The following AFF3 variants were observed in gnomAD, a reference collection of about 807,000 sequenced individuals.
AFF3 encodes the protein AF4/FMR2 family member 3.
Under a neutral mutation model 129.7 loss-of-function variants are expected in AFF3, and 32 were observed. That is an observed-to-expected ratio of 0.25 (90% confidence interval 0.19 to 0.33). The LOEUF (loss-of-function observed/expected upper bound fraction) is 0.33. AFF3 is among the 10% of genes least tolerant of loss of function. The pLI is 1.00. For synonymous variants in AFF3, 644 were observed against 635.4 expected, an observed-to-expected ratio of 1.01 and a Z score of -0.20; for missense variants, 1,373 against 1,592.0, an observed-to-expected ratio of 0.86 and a Z score of 2.34.
At chr2:99,889,833 T>A (rs920401248) in intron 7 of AFF3, among the ~76,000 whole-genome samples, 1 of 152,158 alleles carries the variant, frequency 6.6e-6, no homozygotes, top group Non-Finnish European at 1.5e-5. Flanking sequence ...TAATTTTTTT[T>A]ATTTTTAGTA....
intron 7 of AFF3, among the ~76,000 whole-genome samples, chr2:99,984,432 A>C (rs1032558706): frequency 6.6e-6 from 1 of 152,196 alleles, no homozygotes; most frequent in Non-Finnish European, 1.5e-5. Context: ...ATTGAGAGGA[A>C]ATAAATATAG....
intron 7 of AFF3, among the ~76,000 whole-genome samples, chr2:99,847,911 T>A (rs1467570023): frequency 6.6e-6 from 1 of 152,136 alleles, no homozygotes; most frequent in Non-Finnish European, 1.5e-5. Flanking sequence ...ACGCCCACAC[T>A]ATTATTATAA....
chr2:99,790,559 C>G (rs1685122866), intron 8 of AFF3, among the ~76,000 whole-genome samples: 1 of 152,132 alleles, frequency 6.6e-6, no homozygotes. Context: ...TAAGTAGCAA[C>G]TGAATTTTAT....
chr2:99,854,609 C>T (rs1386535860), intron 7 of AFF3, among the ~76,000 whole-genome samples: 1 of 152,182 alleles, frequency 6.6e-6, no homozygotes, highest in African/African-American at 2.4e-5. Flanking sequence ...CACAACCTCC[C>T]ATCACTTCTG....
chr2:99,975,297 T>A (rs1447528808), intron 7 of AFF3, among the ~76,000 whole-genome samples: 1 of 152,200 alleles, frequency 6.6e-6, no homozygotes, highest in Non-Finnish European at 1.5e-5. Context: ...AATTAGATAT[T>A]TTGAATTATC....
chr2:99,744,264 A>G, intron 9 of AFF3, 124 bp from the exon 10 acceptor site: 1 of 742,244 alleles, frequency 1.3e-6, no homozygotes, highest in South Asian at 2.0e-5. Context: ...TCTATCAGCT[A>G]CTTTAATGAG....
At chr2:99,742,189 A>T (rs1404176) in intron 10 of AFF3, among the ~76,000 whole-genome samples, 5 of 151,900 alleles carry the variant, frequency 3.3e-5, no homozygotes, top group South Asian at 2.1e-4. Flanking sequence ...AATGCTGTCT[A>T]TAAGAAAAAT....
chr2:100,091,301 C>G lies in AFF3; in HGVS notation c.53+13101G>C, dbSNP rs1043197525. On this transcript the variant is annotated intron_variant, in intron 4 of 24. Transcript: ENST00000672756. ...GTGTAAGAAACACAACACCCTGAGG[C>G]CAGCTGGCCTAGATGTCTTTCCAAG... 2.7e-4 allele frequency among the ~76,000 whole-genome samples: 41 copies of G among 152,194 alleles called. 2 individuals carry two copies. The highest frequency in any genetic ancestry group is 6.5e-5 in the Admixed American group (1 of 15,280).
intron 8 of AFF3, among the ~76,000 whole-genome samples, chr2:99,779,147 A>G (rs1237913787): frequency 6.6e-6 from 1 of 152,098 alleles, no homozygotes; most frequent in Non-Finnish European, 1.5e-5. Context: ...ATCATTAAGC[A>G]TGATGTTAGC....
chr2:99,596,069 C>T (rs191726054), intron 14 of AFF3, among the ~76,000 whole-genome samples: 270 of 152,324 alleles, frequency 1.8e-3, no homozygotes, highest in African/African-American at 4.8e-3. Context: ...ACCCCCTGGC[C>T]CCGACACAGA....
At chr2:99,958,904 G>C (rs1388536326) in intron 7 of AFF3, among the ~76,000 whole-genome samples, 1 of 152,026 alleles carries the variant, frequency 6.6e-6, no homozygotes, top group Non-Finnish European at 1.5e-5. Flanking sequence ...TTTGGGCCCA[G>C]GAGTTCGAGA....
At chr2:99,697,061 C>T (rs950805562) in intron 11 of AFF3, among the ~76,000 whole-genome samples, 5 of 152,196 alleles carry the variant, frequency 3.3e-5, no homozygotes, top group Admixed American at 6.5e-5. Context: ...ATACCCTGAA[C>T]GTTTTGAAGG....
chr2:99,589,691 G>A (rs1178945752), intron 15 of AFF3, among the ~76,000 whole-genome samples: 2 of 151,968 alleles, frequency 1.3e-5, no homozygotes, highest in Admixed American at 6.6e-5. Context: ...AAGCCACCAC[G>A]GCCGGCCCAG....
intron 12 of AFF3, among the ~76,000 whole-genome samples, chr2:99,659,705 T>C (rs1164695370): frequency 1.3e-5 from 2 of 152,168 alleles, no homozygotes; most frequent in Non-Finnish European, 2.9e-5. Context: ...TCAGAGTGAC[T>C]GGAGCATGAG....
chr2:100,141,983 C>T (rs192487499), intron 1 of AFF3, among the ~76,000 whole-genome samples: 117 of 152,240 alleles, frequency 7.7e-4, no homozygotes, highest in South Asian at 1.5e-3. Flanking sequence ...GCAGAAGTGA[C>T]GGTGGCCTTA....
At chr2:100,091,427 C>T (rs1264048625) in intron 4 of AFF3, among the ~76,000 whole-genome samples, 1 of 145,032 alleles carries the variant, frequency 6.9e-6, no homozygotes, top group Non-Finnish European at 1.5e-5. Flanking sequence ...CACAATTAGA[C>T]AAGCTCACTA....
intron 19 of AFF3, among the ~76,000 whole-genome samples, chr2:99,566,080 G>T (rs751943308): frequency 6.6e-6 from 1 of 151,952 alleles, no homozygotes; most frequent in Non-Finnish European, 1.5e-5. Context: ...TACATTATTT[G>T]TGGCACTTAT....
chr2:99,978,731 G>T (rs1679117071), intron 7 of AFF3, among the ~76,000 whole-genome samples: 2 of 152,176 alleles, frequency 1.3e-5, no homozygotes. Flanking sequence ...AGCCAGTTGA[G>T]AATGGTGCCC....
intron 17 of AFF3, among the ~76,000 whole-genome samples, chr2:99,580,275 G>A (rs1425544854): frequency 6.6e-6 from 1 of 152,086 alleles, no homozygotes; most frequent in Non-Finnish European, 1.5e-5. Flanking sequence ...AGTCAAATCT[G>A]GCCCTTTTTT....
Sources: gnomAD v4.1 joint callset for allele counts (sites outside exome capture counted in the v4.1 genomes callset) on GRCh38, gnomAD v4.1.1 for gene constraint, MANE v1.5 for transcripts, NCBI Gene and HGNC (gene_info 2026-07-23, HGNC 2026-07-21) for gene names.